KRT80: variants seen among roughly 807,000 people sequenced by gnomAD.
KRT80 encodes the protein keratin 80, also known as keratin, type II cytoskeletal 80.
KRT80 carries 36 observed loss-of-function variants against 51.5 expected under a neutral mutation model. The observed-to-expected ratio is 0.70, with a 90% confidence interval of 0.54 to 0.92. KRT80 has a LOEUF of 0.92. KRT80 is among the 40% of genes least tolerant of loss of function. KRT80 has a pLI of 0.00. For synonymous variants in KRT80, 235 were observed against 248.3 expected, an observed-to-expected ratio of 0.95 and a Z score of 0.50; for missense variants, 566 against 591.7, an observed-to-expected ratio of 0.96 and a Z score of 0.45.
At chr12:52,182,760 C>T (rs1941344665) in intron 2 of KRT80, among the ~76,000 whole-genome samples, 1 of 152,166 alleles carries the variant, frequency 6.6e-6, no homozygotes, top group South Asian at 2.1e-4. Flanking sequence ...GGAGCATCCT[C>T]ACGGTATCCT....
intron 4 of KRT80, among the ~76,000 whole-genome samples, chr12:52,177,641 G>C (rs867633106): frequency 0.012 from 1,536 of 123,884 alleles, 22 homozygotes; most frequent in African/African-American, 0.077. Flanking sequence ...TTGGCTGTGT[G>C]TGTGTGTGTG....
intron 1 of KRT80, among the ~76,000 whole-genome samples, chr12:52,187,659 C>T (rs1941426510): frequency 6.6e-6 from 1 of 152,158 alleles, no homozygotes; most frequent in Non-Finnish European, 1.5e-5. Context: ...GTAGGTTCTG[C>T]TTGAAGCCAA....
chr12:52,173,888 G>A, intron 4 of KRT80, 124 bp from the exon 5 acceptor site: 1 of 988,060 alleles, frequency 1.0e-6, no homozygotes, highest in Admixed American at 2.6e-5. Context: ...TGTCCCTCTG[G>A]AGAGATGATG....
chr12:52,177,753 T>C (rs1219111228), intron 4 of KRT80, among the ~76,000 whole-genome samples: 1 of 152,020 alleles, frequency 6.6e-6, no homozygotes, highest in Non-Finnish European at 1.5e-5. Flanking sequence ...ATTTCTGATC[T>C]GGTGTCTGCT....
At chr12:52,185,608 C>T (rs769934068) in intron 1 of KRT80, 21 bp from the exon 2 acceptor site, 19 of 1,600,164 alleles carry the variant, frequency 1.2e-5, no homozygotes, top group Middle Eastern at 3.3e-4. Flanking sequence ...AGGAAGGCGG[C>T]GAATGGGTCA....
In KRT80 at chr12:52,171,726, G is replaced by T; in HGVS notation, c.1179-13C>A. 7.3e-7 allele frequency: 1 copy of T among 1,369,328 alleles called. No individual in the cohort carries two copies. The highest frequency in any genetic ancestry group is 1.0e-6 in the Non-Finnish European group (1 of 987,392). The allele number at this position is 1,369,328 out of a possible 1,614,324, so 84.8% of individuals were successfully genotyped here. On this transcript the variant is annotated splice_polypyrimidine_tract_variant and intron_variant, in intron 7 of 8. Coordinates refer to ENST00000394815, the MANE Select transcript of KRT80 (RefSeq NM_182507.3). Reference sequence around the variant, plus strand: ...GGGCGAGTCCATCCTGGGGGTGGGGGACGGGGGGGTGGGAGAGGGATATGA... The same window carrying T: ...GGGCGAGTCCATCCTGGGGGTGGGGTACGGGGGGGTGGGAGAGGGATATGA...
rs756536856 is a variant in KRT80 at position 52,191,780 on chromosome 12, G to A, written c.123C>T (p.Phe41=). 1.7e-5 allele frequency: 27 copies of A among 1,611,696 alleles called. No individual in the cohort carries two copies. The highest frequency in any genetic ancestry group is 2.0e-5 in the Non-Finnish European group (23 of 1,179,216). The change falls in exon 1 of 9, where the codon TTC becomes TTT. Residue 41 remains phenylalanine (F), a synonymous_variant. Transcript: ENST00000394815. The stretch of plus-strand genomic sequence containing the variant: ...AGCAGCCTGTGAGGCTGCGGGAGCT[G>A]AAGCCCGGCCCGGGGGCCCTGCAGC... The part of the protein sequence containing the change: ...WDSCRAPGPG[F]SSRSLTGCWS...
intron 4 of KRT80, among the ~76,000 whole-genome samples, chr12:52,177,547 A>G (rs994978355): frequency 2.6e-5 from 4 of 152,060 alleles, no homozygotes; most frequent in African/African-American, 7.2e-5. Flanking sequence ...AGAGAGGCAG[A>G]GGGTTTGCAG....
In KRT80 at chr12:52,170,567, A is replaced by G. The variant is rs1200262623; in HGVS notation, c.*831T>C. The G allele has an allele frequency of 4.6e-5, 7 of 152,192 alleles. No individual in the cohort carries two copies. The highest frequency in any genetic ancestry group is 1.7e-4 in the African/African-American group (7 of 41,434). 9.4% of individuals were successfully genotyped at this position (152,192 alleles called of 1,614,324 possible). A position where few individuals can be genotyped will look rare whatever the true frequency, so the allele number is the denominator to read the frequency against. ...GATCCAGGCTGGGTAGGACCCCAGC[A>G]TGGCAGGGAGGTGAAAGGAAGATCG... On this transcript the variant is annotated 3_prime_UTR_variant, in exon 9 of 9. Coordinates refer to ENST00000394815, the MANE Select transcript of KRT80 (RefSeq NM_182507.3).
At chr12:52,183,168 T>C (rs1362274211) in intron 2 of KRT80, among the ~76,000 whole-genome samples, 1 of 152,128 alleles carries the variant, frequency 6.6e-6, no homozygotes, top group Non-Finnish European at 1.5e-5. Flanking sequence ...TCTTAGTAAA[T>C]AGAGGGCTAG....
At chr12:52,191,512 C>T (rs117301673) in intron 1 of KRT80, 91 bp downstream of exon 1, 50,690 of 1,272,984 alleles carry the variant, frequency 0.04, 1,228 homozygotes, top group Non-Finnish European at 0.046. Context: ...AGGGGTGGGG[C>T]GCGGTGATCG....
In KRT80 at chr12:52,191,759, G is replaced by T. The variant is rs1264605838; in HGVS notation, c.144C>A (p.Gly48=). ...TGGAGATAGTGCCAGCCGACCAGCAGCCTGTGAGGCTGCGGGAGCTGAAGC... is the reference window on the plus strand; with the variant it reads ...TGGAGATAGTGCCAGCCGACCAGCATCCTGTGAGGCTGCGGGAGCTGAAGC... ...GPGFSSRSLT[G]CWSAGTISKV... Residue 48 remains glycine (G), a synonymous_variant, in exon 1 of 9, where the codon GGC becomes GGA. Coordinates refer to ENST00000394815, the MANE Select transcript of KRT80 (RefSeq NM_182507.3). The T allele has an allele frequency of 6.2e-7, 1 of 1,613,246 alleles. No homozygotes were observed. Among genetic ancestry groups the T allele is most frequent in the South Asian group, 1.1e-5 (1 of 91,074 alleles).
intron 1 of KRT80, among the ~76,000 whole-genome samples, chr12:52,188,949 C>CTGGT (rs1941443625): frequency 1.3e-5 from 2 of 152,168 alleles, no homozygotes; most frequent in Admixed American, 1.3e-4. Flanking sequence ...CCAGTCCTTC[C>CTGGT]ACTGGGACGA....
At chr12:52,180,816 G>T (rs747767416) in intron 3 of KRT80, 87 bp downstream of exon 3, 3 of 1,603,928 alleles carry the variant, frequency 1.9e-6, no homozygotes, top group Non-Finnish European at 2.6e-6. Context: ...GGCTTTGATT[G>T]GGCATAAAGG....
Position 52,171,411 on chromosome 12 carries a change from TC to T in KRT80, c.1345del (p.Glu449ArgfsTer94). ...GGTCCAGCCGCCTTACTCTGAGACC[TC>T]CGACTCCTGCGAGAAGTACTTCTCT... ...MSEKYFSQESEVSE is the reference protein window; with the variant it reads ...MSEKYFSQESXVSE On this transcript the variant is annotated frameshift_variant, in exon 9 of 9. Coordinates refer to ENST00000394815, the MANE Select transcript of KRT80 (RefSeq NM_182507.3). LOFTEE classifies it high-confidence loss of function. 1 of 1,597,862 alleles carries T rather than the reference TC, an allele frequency of 6.3e-7. No homozygotes were observed. Among genetic ancestry groups the T allele is most frequent in the Non-Finnish European group, 8.5e-7 (1 of 1,171,562 alleles).
In KRT80 at chr12:52,173,625, T is replaced by G; in HGVS notation, c.806A>C (p.Glu269Ala). 6.2e-7 allele frequency: 1 copy of G among 1,612,850 alleles called. No individual in the cohort carries two copies. Among genetic ancestry groups the G allele is most frequent in the Non-Finnish European group, 8.5e-7 (1 of 1,180,002 alleles). The change falls in exon 5 of 9, where the codon GAG becomes GCG. Residue 269 changes from glutamate (E) to alanine (A), a missense_variant. By Grantham distance (107) the Glu-to-Ala change is moderately radical. Transcript: ENST00000394815. ...CTGGCTCCGAGAGTATGCCTCGGCC[T>G]CCTCCAGGCTGCGAGCCGCGACGGC... ...YDAVAARSLE[E>A]AEAYSRSQLE...
In KRT80 at chr12:52,177,856, T is replaced by A. The variant is rs147135458; in HGVS notation, c.666+2657A>T. ...TGAGGCAGGTGTGGCTGGCACAGTC[T>A]TTACTCAGAGCTGCTCTGTCCAATG... is the stretch of plus-strand genomic sequence containing the variant. On this transcript the variant is annotated intron_variant, in intron 4 of 8. Coordinates refer to ENST00000394815, the MANE Select transcript of KRT80 (RefSeq NM_182507.3). 2.1e-3 allele frequency among the ~76,000 whole-genome samples: 315 copies of A among 152,240 alleles called. 3 individuals carry two copies. The highest frequency in any genetic ancestry group is 7.2e-3 in the African/African-American group (297 of 41,534).
At chr12:52,187,770 TG>T (rs906196938) in intron 1 of KRT80, among the ~76,000 whole-genome samples, 2 of 151,932 alleles carry the variant, frequency 1.3e-5, no homozygotes, top group African/African-American at 4.8e-5. Context: ...GAGGGAGCGT[TG>T]GGGGGGCAGG....
At chr12:52,187,768 G>A (rs149150332) in intron 1 of KRT80, among the ~76,000 whole-genome samples, 114 of 152,234 alleles carry the variant, frequency 7.5e-4, no homozygotes, top group Non-Finnish European at 1.1e-3. Context: ...GAGAGGGAGC[G>A]TTGGGGGGGC....
Sources: gnomAD v4.1 joint callset for allele counts (sites outside exome capture counted in the v4.1 genomes callset) on GRCh38, gnomAD v4.1.1 for gene constraint, MANE v1.5 for transcripts, NCBI Gene and HGNC (gene_info 2026-07-23, HGNC 2026-07-21) for gene names.